TBC1D5: variants seen among roughly 807,000 people sequenced by gnomAD.
The protein encoded by TBC1D5 is TBC1 domain family member 5.
A neutral mutation model predicts 100.3 loss-of-function variants in TBC1D5; 75 were observed. That is an observed-to-expected ratio of 0.75 (90% CI 0.62 to 0.91). The LOEUF is 0.91. TBC1D5 is among the 40% of genes least tolerant of loss of function. TBC1D5 has a pLI of 0.00. For missense variants in TBC1D5, 910 were observed against 942.4 expected (o/e 0.97, Z 0.45); for synonymous variants, 323 against 325.6 (o/e 0.99, Z 0.09).
intron 2 of TBC1D5, among the ~76,000 whole-genome samples, chr3:17,515,134 A>T (rs768005745): frequency 6.6e-5 from 10 of 152,124 alleles, no homozygotes; most frequent in Non-Finnish European, 1.0e-4. Flanking sequence ...TAAAAATAAG[A>T]AAAAGGAACA....
intron 16 of TBC1D5, among the ~76,000 whole-genome samples, chr3:17,242,541 T>G (rs2076389019): frequency 6.6e-6 from 1 of 152,038 alleles, no homozygotes; most frequent in African/African-American, 2.4e-5. Context: ...CATTCACTTA[T>G]TCATCCTTTA....
chr3:17,491,659 C>A (rs1250141317), intron 3 of TBC1D5, among the ~76,000 whole-genome samples: 1 of 152,132 alleles, frequency 6.6e-6, no homozygotes, highest in Non-Finnish European at 1.5e-5. Flanking sequence ...ATGAGGTCGA[C>A]TTGATAATGG....
chr3:17,664,912 A>C (rs556646492), intron 1 of TBC1D5: 3 of 152,062 alleles, frequency 2.0e-5, no homozygotes, highest in Admixed American at 2.0e-4. Flanking sequence ...TCACAGAAGA[A>C]TGTTTGCCTC....
At chr3:17,698,361 A>T (rs7640742) in intron 1 of TBC1D5, among the ~76,000 whole-genome samples, 105,382 of 150,424 alleles carry the variant, frequency 0.7, 37,423 homozygotes, top group East Asian at 0.99. Flanking sequence ...TGAAACTGGA[A>T]CCCTTCCTTA....
intron 17 of TBC1D5, 138 bp from the exon 18 acceptor site, chr3:17,233,888 G>T (rs2148940867): frequency 2.0e-6 from 1 of 493,884 alleles, no homozygotes; most frequent in East Asian, 3.3e-5. Flanking sequence ...CACAAGCTTA[G>T]AAAAATATAA....
At chr3:17,203,973 G>A (rs1404960924) in intron 18 of TBC1D5, among the ~76,000 whole-genome samples, 3 of 152,134 alleles carry the variant, frequency 2.0e-5, no homozygotes, top group African/African-American at 7.2e-5. Flanking sequence ...AGTTTTCAGG[G>A]GCAAAGTGAA....
At chr3:17,519,607 C>A (rs1298007864) in intron 2 of TBC1D5, among the ~76,000 whole-genome samples, 1 of 152,170 alleles carries the variant, frequency 6.6e-6, no homozygotes, top group Non-Finnish European at 1.5e-5. Flanking sequence ...CTGTTTTACT[C>A]ATCTATACTC....
At chr3:17,313,024 A>G (rs1190975401) in intron 13 of TBC1D5, among the ~76,000 whole-genome samples, 1 of 152,210 alleles carries the variant, frequency 6.6e-6, no homozygotes, top group African/African-American at 2.4e-5. Context: ...GAGTAACTTT[A>G]GCATATATAA....
At chr3:17,299,579 C>T (rs761958884) in intron 14 of TBC1D5, among the ~76,000 whole-genome samples, 47 of 152,076 alleles carry the variant, frequency 3.1e-4, no homozygotes, top group Non-Finnish European at 5.7e-4. Context: ...GTCATTCTGG[C>T]CGGGTGCGGT....
intron 1 of TBC1D5, among the ~76,000 whole-genome samples, chr3:17,705,852 C>T (rs2074071141): frequency 6.6e-6 from 1 of 151,480 alleles, no homozygotes; most frequent in Non-Finnish European, 1.5e-5. Flanking sequence ...GGGTGGCGGC[C>T]GGGCAGAGGC....
chr3:17,427,359 TAAA>T (rs2094357097), intron 4 of TBC1D5, among the ~76,000 whole-genome samples: 1 of 151,978 alleles, frequency 6.6e-6, no homozygotes, highest in African/African-American at 2.4e-5. Context: ...AAACAAATTG[TAAA>T]AACTGTTTCA....
chr3:17,208,203 T>C (rs1162157250), intron 18 of TBC1D5, among the ~76,000 whole-genome samples: 4 of 152,186 alleles, frequency 2.6e-5, no homozygotes, highest in Non-Finnish European at 4.4e-5. Flanking sequence ...GAGTCCCGGC[T>C]ATGGGCCTAA....
At chr3:17,357,665 T>G (rs1034852187) in intron 13 of TBC1D5, among the ~76,000 whole-genome samples, 2 of 152,230 alleles carry the variant, frequency 1.3e-5, no homozygotes, top group Non-Finnish European at 2.9e-5. Context: ...TAGACGTACT[T>G]AATAAATATG....
intron 15 of TBC1D5, among the ~76,000 whole-genome samples, chr3:17,283,395 T>TCA (rs2080819294): frequency 6.6e-6 from 1 of 152,160 alleles, no homozygotes; most frequent in African/African-American, 2.4e-5. Flanking sequence ...GAAAACTGAA[T>TCA]GGTCTGGTTC....
In TBC1D5 at chr3:17,583,448, G is replaced by A. The variant is rs185326689; in HGVS notation, c.-36+40401C>T. 3.5e-3 allele frequency among the ~76,000 whole-genome samples: 533 copies of A among 152,136 alleles called. 4 individuals are homozygous for A. Among genetic ancestry groups the A allele is most frequent in the African/African-American group, 0.012 (505 of 41,512 alleles). ...AATGTAGAGAAAGTGGAACCCGGCT[G>A]GGTGCGATGGCTCATGCCTGTAATC... On this transcript the variant is annotated intron_variant, in intron 2 of 21. Transcript: ENST00000253692.
chr3:17,695,815 G>T (rs1014779475), intron 1 of TBC1D5, among the ~76,000 whole-genome samples: 1 of 151,978 alleles, frequency 6.6e-6, no homozygotes, highest in African/African-American at 2.4e-5. Context: ...GCACCATATC[G>T]CACTTATTCT....
chr3:17,701,774 G>T (rs1159849109), intron 1 of TBC1D5, among the ~76,000 whole-genome samples: 1 of 151,888 alleles, frequency 6.6e-6, no homozygotes, highest in Non-Finnish European at 1.5e-5. Context: ...GTATATATGT[G>T]GGTAATTCCT....
At chr3:17,468,848 T>C (rs1311235940) in intron 3 of TBC1D5, among the ~76,000 whole-genome samples, 1 of 152,210 alleles carries the variant, frequency 6.6e-6, no homozygotes. Flanking sequence ...ATTTCCTACA[T>C]AGAAGTGGGC....
chr3:17,646,503 T>C (rs1159024777), intron 1 of TBC1D5, among the ~76,000 whole-genome samples: 2 of 152,164 alleles, frequency 1.3e-5, no homozygotes, highest in Admixed American at 1.3e-4. Flanking sequence ...CAGATTCCTA[T>C]GCATCATTCT....
Sources: allele counts gnomAD v4.1 joint callset (sites outside exome capture counted in the v4.1 genomes callset), GRCh38; gene constraint gnomAD v4.1.1; transcripts MANE v1.5; gene names NCBI Gene and HGNC (gene_info 2026-07-23, HGNC 2026-07-21).